MAP2: variants seen among roughly 807,000 people sequenced by gnomAD.
MAP2 encodes microtubule-associated protein 2.
In MAP2, 14 loss-of-function variants were observed where a neutral mutation model predicts 137.6. That is an observed-to-expected ratio of 0.10 (90% CI 0.07 to 0.16). MAP2 has a LOEUF of 0.16. Among genes scored for constraint, MAP2 ranks in the 10% least tolerant of loss-of-function variants. The pLI, the probability that MAP2 is intolerant of heterozygous loss-of-function variation, is 1.00. For missense variants in MAP2, 2,088 were observed against 2,191.5 expected (o/e 0.95, Z 0.94); for synonymous variants, 786 against 782.3 (o/e 1.00, Z -0.08).
In MAP2 at chr2:209,700,357, T is replaced by C. The variant is rs2061450038; in HGVS notation, c.4584+19T>C. 3 of 1,592,582 alleles carry C rather than the reference T, an allele frequency of 1.9e-6. No homozygotes were observed. Among genetic ancestry groups the C allele is most frequent in the Middle Eastern group, 1.7e-4 (1 of 6,026 alleles). On this transcript the variant is annotated intron_variant, in intron 11 of 15. Transcript: ENST00000682079. ...AGTCTCTGTGAGTAAAATAAGTTTT[T>C]CCTTGTTCTTCATTTGAAGTTCCTT...
chr2:209,613,424 A>G (rs1450802355), intron 3 of MAP2, among the ~76,000 whole-genome samples: 1 of 152,214 alleles, frequency 6.6e-6, no homozygotes, highest in Admixed American at 6.5e-5. Flanking sequence ...AAACTATAGG[A>G]TCTGTAGTCC....
chr2:209,660,293 G>A (rs189339198), intron 5 of MAP2, among the ~76,000 whole-genome samples: 3 of 151,068 alleles, frequency 2.0e-5, no homozygotes. Context: ...TGGGAGCTAT[G>A]TCTTATAAAA....
chr2:209,590,709 C>A (rs2153429916), intron 3 of MAP2, among the ~76,000 whole-genome samples: 1 of 152,294 alleles, frequency 6.6e-6, no homozygotes, highest in South Asian at 2.1e-4. Context: ...TTGATAGCCA[C>A]ATTCTTTTTA....
rs1559159499 is a variant in MAP2 at position 209,435,997 on chromosome 2, C to CAA, written c.-222+11721_-222+11722insAA. 5.1e-5 allele frequency among the ~76,000 whole-genome samples: 4 copies of CAA among 78,412 alleles called. 1 individual carries two copies. Among genetic ancestry groups the CAA allele is most frequent in the Non-Finnish European group, 4.5e-5 (2 of 44,756 alleles). 51.4% of individuals were successfully genotyped at this position (78,412 alleles called of 152,430 possible). A position where few individuals can be genotyped will look rare whatever the true frequency, so the allele number is the denominator to read the frequency against. ...TAATATATACAGTATATATTATATACTATATATACAGTATATATTATATAT... is the reference window on the plus strand; with the variant it reads ...TAATATATACAGTATATATTATATACAATATATATACAGTATATATTATATAT... On this transcript the variant is annotated intron_variant, in intron 1 of 15. Transcript: ENST00000682079.
At position 209,696,578 on chromosome 2, in the gene MAP2, C is replaced by T. The variant is rs767224013; in HGVS notation, c.4217C>T (p.Thr1406Ile). Residue 1406 changes from threonine to isoleucine, a missense_variant, in exon 9 of 16, where the codon ACT becomes ATT. By Grantham distance (89) the Thr-to-Ile change is moderately conservative. Coordinates refer to ENST00000682079, the MANE Select transcript of MAP2 (RefSeq NM_001375505.1). ...AGCATCATGACAGAACAGTTAGAAA[C>T]TATTCCTAAAGAGGAGAAAGCTGAA... ...DRSIMTEQLE[T>I]IPKEEKAEKE... 27 of 1,613,608 alleles carry T rather than the reference C, an allele frequency of 1.7e-5. No individual in the cohort carries two copies. Among genetic ancestry groups the T allele is most frequent in the Non-Finnish European group, 2.2e-5 (26 of 1,179,902 alleles).
intron 13 of MAP2, among the ~76,000 whole-genome samples, chr2:209,721,324 G>GA (rs1053179774): frequency 1.3e-5 from 2 of 152,110 alleles, no homozygotes; most frequent in African/African-American, 4.8e-5. Context: ...CATTTTAGAT[G>GA]AAAAAATTAT....
At chr2:209,634,608 G>A (rs544843704) in intron 4 of MAP2, among the ~76,000 whole-genome samples, 4 of 152,174 alleles carry the variant, frequency 2.6e-5, no homozygotes, top group African/African-American at 9.6e-5. Context: ...ACACCTAATC[G>A]CAAGGGAAGT....
intron 1 of MAP2, among the ~76,000 whole-genome samples, chr2:209,488,729 C>A (rs956750219): frequency 5.9e-5 from 9 of 152,174 alleles, no homozygotes; most frequent in Non-Finnish European, 1.3e-4. Context: ...AGCAAGACTG[C>A]CTCTCTAGAT....
At chr2:209,546,747 A>C (rs2068152575) in intron 2 of MAP2, among the ~76,000 whole-genome samples, 1 of 152,230 alleles carries the variant, frequency 6.6e-6, no homozygotes, top group South Asian at 2.1e-4. Flanking sequence ...AATCAGAAAA[A>C]GAATCTATAT....
chr2:209,529,829 C>T (rs977114242), intron 2 of MAP2, among the ~76,000 whole-genome samples: 10 of 152,136 alleles, frequency 6.6e-5, no homozygotes, highest in Non-Finnish European at 1.0e-4. Flanking sequence ...CAATTACTCA[C>T]GTCTTGACTG....
chr2:209,653,244 A>G lies in MAP2; in HGVS notation c.74A>G (p.His25Arg). ...GCACCGCTAACAGAGGCATCTGCAC[A>G]CTCACATCCACCTGAGATTAAGGAT... ...TSAPLTEASA[H>R]SHPPEIKDQG... Residue 25 changes from histidine (H) to arginine (R), a missense_variant, in exon 5 of 16, where the codon CAC (histidine) becomes CGC (arginine). Physicochemically the swap from His to Arg is conservative, Grantham distance 29. Coordinates refer to ENST00000682079, the MANE Select transcript of MAP2 (RefSeq NM_001375505.1). 2 of 1,614,098 alleles carry G rather than the reference A, an allele frequency of 1.2e-6. No homozygotes were observed. The highest frequency in any genetic ancestry group is 1.7e-6 in the Non-Finnish European group (2 of 1,180,000).
At chr2:209,472,160 C>T (rs1326566658) in intron 1 of MAP2, among the ~76,000 whole-genome samples, 2 of 152,000 alleles carry the variant, frequency 1.3e-5, no homozygotes, top group African/African-American at 2.4e-5. Flanking sequence ...AAGATGGTTA[C>T]AATAGTGAAA....
At chr2:209,459,119 T>G (rs1201968881) in intron 1 of MAP2, among the ~76,000 whole-genome samples, 1 of 152,212 alleles carries the variant, frequency 6.6e-6, no homozygotes, top group East Asian at 1.9e-4. Context: ...GCCCAGTATA[T>G]ATAGTGTACT....
intron 3 of MAP2, among the ~76,000 whole-genome samples, chr2:209,593,759 AATATATAATAT>A: frequency 1.1e-5 from 1 of 95,084 alleles, no homozygotes; most frequent in Admixed American, 1.6e-4. Context: ...TATTATATAT[AATATATAATAT>A]AATATAATAC....
chr2:209,614,305 G>A (rs933226045), intron 3 of MAP2, among the ~76,000 whole-genome samples: 5 of 152,080 alleles, frequency 3.3e-5, no homozygotes, highest in Non-Finnish European at 7.4e-5. Flanking sequence ...ACAGAAGAAC[G>A]AGGAAAACAT....
At chr2:209,591,954 T>C (rs1288300671) in intron 3 of MAP2, among the ~76,000 whole-genome samples, 1 of 152,202 alleles carries the variant, frequency 6.6e-6, no homozygotes, top group African/African-American at 2.4e-5. Flanking sequence ...TTTGAATATA[T>C]TCAAAAATAT....
chr2:209,505,633 G>A (rs1212755303), intron 1 of MAP2, among the ~76,000 whole-genome samples: 1 of 149,020 alleles, frequency 6.7e-6, no homozygotes, highest in African/African-American at 2.6e-5. Flanking sequence ...GCTGCCTAAT[G>A]GATACTGCTG....
chr2:209,437,549 A>G (rs1382719451), intron 1 of MAP2, among the ~76,000 whole-genome samples: 1 of 151,622 alleles, frequency 6.6e-6, no homozygotes. Flanking sequence ...TTGGAATTAG[A>G]ATTAAATAAT....
At chr2:209,429,475 TAAGTG>T (rs1693653481) in intron 1 of MAP2, among the ~76,000 whole-genome samples, 1 of 152,300 alleles carries the variant, frequency 6.6e-6, no homozygotes, top group African/African-American at 2.4e-5. Flanking sequence ...GTGTACCTAT[TAAGTG>T]AAGTATGAAC....
Sources: gnomAD v4.1 joint callset for allele counts (sites outside exome capture counted in the v4.1 genomes callset) on GRCh38, gnomAD v4.1.1 for gene constraint, MANE v1.5 for transcripts, NCBI Gene and HGNC (gene_info 2026-07-23, HGNC 2026-07-21) for gene names.